SOX5: variants seen among roughly 807,000 people sequenced by gnomAD.
SOX5 encodes the protein SRY-box transcription factor 5, also known as transcription factor SOX-5.
SOX5 carries 9 observed loss-of-function variants against 92.0 expected under a neutral mutation model. The ratio of observed to expected loss-of-function variants is 0.10; its 90% CI spans 0.06 to 0.17. The LOEUF is 0.17. SOX5 is among the 10% of genes least tolerant of loss of function. The pLI, the probability that SOX5 is intolerant of heterozygous loss-of-function variation, is 1.00. For missense variants in SOX5, 642 were observed against 944.5 expected, an observed-to-expected ratio of 0.68 and a Z score of 4.20; for synonymous variants, 344 against 336.3, an observed-to-expected ratio of 1.02 and a Z score of -0.25.
intron 1 of SOX5, among the ~76,000 whole-genome samples, chr12:24,466,192 CT>C (rs1431103112): frequency 6.6e-6 from 1 of 151,868 alleles, no homozygotes; most frequent in Non-Finnish European, 1.5e-5. Context: ...AACATTCCTC[CT>C]CCTCATCTTC....
At chr12:24,368,863 T>C (rs1184994282) in intron 1 of SOX5, among the ~76,000 whole-genome samples, 1 of 152,212 alleles carries the variant, frequency 6.6e-6, no homozygotes, top group Admixed American at 6.5e-5. Flanking sequence ...TTCTAAATGG[T>C]TATTATATTA....
intron 9 of SOX5, among the ~76,000 whole-genome samples, chr12:23,592,867 T>C (rs1274387570): frequency 6.6e-6 from 1 of 151,964 alleles, no homozygotes; most frequent in African/African-American, 2.4e-5. Context: ...TCACCTGAGG[T>C]CAGGAGTTGG....
At chr12:24,342,842 G>T (rs955086144) in intron 2 of SOX5, among the ~76,000 whole-genome samples, 3 of 152,320 alleles carry the variant, frequency 2.0e-5, no homozygotes, top group Middle Eastern at 3.4e-3. Flanking sequence ...TTAGAATAAA[G>T]GGCGAAATGG....
At chr12:23,663,457 C>T (rs542112682) in intron 7 of SOX5, among the ~76,000 whole-genome samples, 2 of 152,172 alleles carry the variant, frequency 1.3e-5, no homozygotes, top group South Asian at 4.2e-4. Context: ...TCCAGGCCTA[C>T]GGTTATGCTA....
chr12:24,213,997 G>A (rs149999906), intron 3 of SOX5, among the ~76,000 whole-genome samples: 61 of 151,530 alleles, frequency 4.0e-4, no homozygotes, highest in African/African-American at 1.2e-3. Flanking sequence ...AATACTTTAC[G>A]CAAAACATTC....
chr12:24,183,735 G>C (rs1955743250), intron 4 of SOX5, among the ~76,000 whole-genome samples: 1 of 152,124 alleles, frequency 6.6e-6, no homozygotes, highest in Admixed American at 6.6e-5. Flanking sequence ...ACAAAATTAA[G>C]ATTCCTGAAT....
intron 3 of SOX5, among the ~76,000 whole-genome samples, chr12:24,275,801 G>A (rs1257075850): frequency 6.6e-6 from 1 of 152,004 alleles, no homozygotes; most frequent in African/African-American, 2.4e-5. Context: ...ATTCCTTCCT[G>A]GAAAGTTGAA....
At chr12:23,675,434 G>T (rs1054324656) in intron 6 of SOX5, among the ~76,000 whole-genome samples, 1 of 151,798 alleles carries the variant, frequency 6.6e-6, no homozygotes. Flanking sequence ...AAGGCACCAA[G>T]ATCACACAAT....
intron 4 of SOX5, among the ~76,000 whole-genome samples, chr12:24,080,056 T>C (rs1328918250): frequency 6.6e-6 from 1 of 151,936 alleles, no homozygotes; most frequent in Non-Finnish European, 1.5e-5. Flanking sequence ...TTTGGAACAA[T>C]TATATATTGT....
intron 1 of SOX5, among the ~76,000 whole-genome samples, chr12:23,903,467 C>T (rs1032850303): frequency 3.3e-5 from 5 of 152,198 alleles, no homozygotes; most frequent in Admixed American, 6.5e-5. Context: ...GCCTGTAGTG[C>T]GAGCAACTCA....
intron 3 of SOX5, among the ~76,000 whole-genome samples, chr12:23,797,646 G>T (rs547904185): frequency 6.6e-6 from 1 of 152,140 alleles, no homozygotes; most frequent in African/African-American, 2.4e-5. Context: ...GATAATTCCT[G>T]AAGCCCCTAA....
chr12:24,320,871 A>AATAATAATAATAAT (rs1565899408), intron 2 of SOX5, among the ~76,000 whole-genome samples: 2 of 148,300 alleles, frequency 1.3e-5, no homozygotes, highest in African/African-American at 5.0e-5. Context: ...TCTCAAAAAA[A>AATAATAATAATAAT]AATAATAATA....
intron 2 of SOX5, among the ~76,000 whole-genome samples, chr12:23,866,113 A>C (rs1011446949): frequency 4.6e-5 from 7 of 152,250 alleles, no homozygotes; most frequent in Admixed American, 3.9e-4. Flanking sequence ...AAATAACAAC[A>C]AAGTATTTAG....
chr12:23,835,315 T>C (rs1048494227), intron 3 of SOX5, among the ~76,000 whole-genome samples: 3 of 151,860 alleles, frequency 2.0e-5, no homozygotes, highest in Admixed American at 6.6e-5. Context: ...AAAAGGAACC[T>C]GGACCCATAA....
chr12:23,869,511 G>A (rs533612337), intron 2 of SOX5, among the ~76,000 whole-genome samples: 8 of 151,928 alleles, frequency 5.3e-5, no homozygotes, highest in African/African-American at 1.9e-4. Context: ...CCAGCCTACC[G>A]CCCTACTTCT....
intron 1 of SOX5, among the ~76,000 whole-genome samples, chr12:23,940,259 A>G (rs1943364539): frequency 6.6e-6 from 1 of 151,278 alleles, no homozygotes; most frequent in Admixed American, 6.6e-5. Flanking sequence ...CACTTCAAAT[A>G]GCTCAGAGCA....
At chr12:23,790,944 T>C (rs1009742813) in intron 3 of SOX5, among the ~76,000 whole-genome samples, 1 of 152,196 alleles carries the variant, frequency 6.6e-6, no homozygotes, top group East Asian at 1.9e-4. Flanking sequence ...AGCAAGTAAT[T>C]GGCAAATTGG....
chr12:24,519,691 G>A (rs771090469), intron 1 of SOX5, among the ~76,000 whole-genome samples: 1 of 152,188 alleles, frequency 6.6e-6, no homozygotes, highest in Non-Finnish European at 1.5e-5. Context: ...AAATCATTAA[G>A]GCCTTGTAGG....
chr12:23,706,990 T>C (rs904624613), intron 6 of SOX5, among the ~76,000 whole-genome samples: 1 of 152,106 alleles, frequency 6.6e-6, no homozygotes, highest in Non-Finnish European at 1.5e-5. Flanking sequence ...AAAATACATA[T>C]ATTTTAAGAC....
Sources: allele counts gnomAD v4.1 joint callset (sites outside exome capture counted in the v4.1 genomes callset), GRCh38; gene constraint gnomAD v4.1.1; transcripts MANE v1.5; gene names NCBI Gene and HGNC (gene_info 2026-07-23, HGNC 2026-07-21).